MARCHF7: variants seen among roughly 807,000 people sequenced by gnomAD.
The protein encoded by MARCHF7 is E3 ubiquitin-protein ligase MARCHF7.
A neutral mutation model predicts 76.5 loss-of-function variants in MARCHF7; 20 were observed. The observed-to-expected ratio is 0.26, with a 90% CI of 0.18 to 0.38. The LOEUF (loss-of-function observed/expected upper bound fraction) is 0.38, where lower values mean the gene tolerates loss of function less well. Among genes scored for constraint, MARCHF7 ranks in the 10% least tolerant of loss-of-function variants. The pLI is 1.00. For missense variants in MARCHF7, 797 were observed against 812.9 expected (o/e 0.98, Z 0.24); for synonymous variants, 295 against 293.0 (o/e 1.01, Z -0.07).
Position 159,767,491 on chromosome 2 carries a change from A to G in MARCHF7, c.*149A>G. The stretch of plus-strand genomic sequence containing the variant: ...TACATACACATGTATGCCTGTATAT[A>G]TATATTCATTCTCCAGTGTTGCTGA... On this transcript the variant is annotated 3_prime_UTR_variant, in exon 12 of 12. Coordinates refer to ENST00000409175, the MANE Select transcript of MARCHF7 (RefSeq NM_001282805.2). 1 of 496,522 alleles carries G rather than the reference A, an allele frequency of 2.0e-6. No individual in the cohort carries two copies. The highest frequency in any genetic ancestry group is 3.4e-5 in the East Asian group (1 of 29,276). The allele number at this position is 496,522 out of a possible 1,614,324, so 30.8% of individuals were successfully genotyped here.
intron 4 of MARCHF7, among the ~76,000 whole-genome samples, chr2:159,737,381 C>G (rs981951758): frequency 5.9e-5 from 9 of 151,950 alleles, no homozygotes; most frequent in Non-Finnish European, 8.8e-5. Flanking sequence ...AACATTTTTC[C>G]AAAGATATAT....
intron 6 of MARCHF7, 113 bp from the exon 7 acceptor site, chr2:159,747,692 T>C: frequency 3.1e-6 from 3 of 975,182 alleles, no homozygotes; most frequent in Non-Finnish European, 4.5e-6. Context: ...GTAGTTACAA[T>C]ATAACAGTAT....
At chr2:159,720,880 CAG>C (rs1386076186) in intron 3 of MARCHF7, among the ~76,000 whole-genome samples, 2 of 152,184 alleles carry the variant, frequency 1.3e-5, no homozygotes, top group Admixed American at 6.5e-5. Context: ...CCGCTCAAGA[CAG>C]AGTCTTGCTC....
chr2:159,757,385 T>C (rs544198078), intron 8 of MARCHF7, among the ~76,000 whole-genome samples: 1 of 152,326 alleles, frequency 6.6e-6, no homozygotes, highest in South Asian at 2.1e-4. Flanking sequence ...GAAGCTACTA[T>C]GTTTGGATTG....
At chr2:159,712,897 G>T (rs964465902) in intron 1 of MARCHF7, among the ~76,000 whole-genome samples, 1 of 152,100 alleles carries the variant, frequency 6.6e-6, no homozygotes, top group South Asian at 2.1e-4. Context: ...GGGACAGATT[G>T]TGTGTCTTCC....
intron 3 of MARCHF7, among the ~76,000 whole-genome samples, chr2:159,719,167 G>A (rs973254619): frequency 6.6e-6 from 1 of 152,032 alleles, no homozygotes; most frequent in Non-Finnish European, 1.5e-5. Context: ...TTTTAGTAAA[G>A]ACGAGGTTTC....
rs748166867 is a variant in MARCHF7 at position 159,768,871 on chromosome 2, T to G, written c.*1529T>G. The G allele has an allele frequency of 6.6e-5, 10 of 152,276 alleles. No individual in the cohort carries two copies. Among genetic ancestry groups the G allele is most frequent in the Admixed American group, 2.6e-4 (4 of 15,296 alleles). The allele number at this position is 152,276 out of a possible 1,614,324, so 9.4% of individuals were successfully genotyped here. ...TTGTCTTCTGCTTAACCCATAAAACTTTATTTAAAAAATTTAACTAGATGG... is the reference window on the plus strand; with the variant it reads ...TTGTCTTCTGCTTAACCCATAAAACGTTATTTAAAAAATTTAACTAGATGG... On this transcript the variant is annotated 3_prime_UTR_variant, in exon 12 of 12. Transcript: ENST00000409175.
intron 3 of MARCHF7, among the ~76,000 whole-genome samples, chr2:159,723,381 G>T (rs72961747): frequency 0.064 from 9,748 of 152,206 alleles, 393 homozygotes; most frequent in Non-Finnish European, 0.092. Flanking sequence ...TAATTATTCT[G>T]GGATAATAAG....
chr2:159,741,319 C>G (rs1197693088), intron 4 of MARCHF7, among the ~76,000 whole-genome samples: 1 of 152,070 alleles, frequency 6.6e-6, no homozygotes, highest in African/African-American at 2.4e-5. Context: ...CCACTGCACT[C>G]CAGCCTGGGC....
At chr2:159,721,617 T>G (rs1437625178) in intron 3 of MARCHF7, among the ~76,000 whole-genome samples, 2 of 152,222 alleles carry the variant, frequency 1.3e-5, no homozygotes. Flanking sequence ...TCTGTGTGTG[T>G]GTGGCTTTGT....
At chr2:159,720,440 T>C (rs1032700217) in intron 3 of MARCHF7, among the ~76,000 whole-genome samples, 4 of 152,262 alleles carry the variant, frequency 2.6e-5, no homozygotes, top group Non-Finnish European at 4.4e-5. Context: ...TAAAAAGTGC[T>C]CTTTTTGCAG....
chr2:159,713,427 G>A (rs1008383976), intron 1 of MARCHF7, among the ~76,000 whole-genome samples: 2 of 152,138 alleles, frequency 1.3e-5, no homozygotes, highest in African/African-American at 4.8e-5. Context: ...AATTCGTCAC[G>A]ACTAATGTTG....
intron 3 of MARCHF7, among the ~76,000 whole-genome samples, chr2:159,728,407 A>C (rs947535534): frequency 3.3e-5 from 5 of 152,258 alleles, no homozygotes; most frequent in African/African-American, 9.6e-5. Context: ...CAGTGATTTT[A>C]AAATACTTTA....
At chr2:159,752,884 C>T (rs1705824959) in intron 8 of MARCHF7, among the ~76,000 whole-genome samples, 1 of 152,198 alleles carries the variant, frequency 6.6e-6, no homozygotes, top group Non-Finnish European at 1.5e-5. Flanking sequence ...TCACCATTTA[C>T]CAGCTGTGTG....
chr2:159,727,373 G>T (rs1702290173), intron 3 of MARCHF7, among the ~76,000 whole-genome samples: 1 of 152,142 alleles, frequency 6.6e-6, no homozygotes, highest in Non-Finnish European at 1.5e-5. Flanking sequence ...AGATCACGAA[G>T]TCAGGAGATC....
rs747902045 is a variant in MARCHF7 at position 159,761,406 on chromosome 2, C to CTTTTTTTTTTTTTTTTTTTT, written c.1894-1468_1894-1449dup. Among the ~76,000 whole-genome samples, 35 of 73,778 alleles carry CTTTTTTTTTTTTTTTTTTTT rather than the reference C, an allele frequency of 4.7e-4. 9 individuals are homozygous for CTTTTTTTTTTTTTTTTTTTT. The highest frequency in any genetic ancestry group is 1.0e-3 in the South Asian group (2 of 1,982). 48.4% of individuals were successfully genotyped at this position (73,778 alleles called of 152,430 possible). A position where few individuals can be genotyped will look rare whatever the true frequency, so the allele number is the denominator to read the frequency against. ...ACAATAATTATTAAGTGAATCATTT[C>CTTTTTTTTTTTTTTTTTTTT]TTTTTTTTTTTTTTTTTTTTTTTTT... is the stretch of plus-strand genomic sequence containing the variant. On this transcript the variant is annotated intron_variant, in intron 9 of 11. Transcript: ENST00000409175.
Position 159,748,781 on chromosome 2 carries a change from C to T in MARCHF7, c.1491C>T (p.Thr497=), listed in dbSNP as rs149881046. Residue 497 remains threonine, a synonymous_variant, in exon 7 of 12, where the codon ACC becomes ACT. Transcript: ENST00000409175. ...AVPPALGSNL[T]DNVMITVDII... The stretch of plus-strand genomic sequence containing the variant: ...CTCCAGCACTTGGGAGTAATTTGAC[C>T]GACAATGTCATGATCACAGTAGATA... 222 of 1,614,024 alleles carry T rather than the reference C, an allele frequency of 1.4e-4. No homozygotes were observed. The African/African-American group carries it at 2.3e-3, about 16-fold the overall frequency.
At chr2:159,723,251 T>C (rs1044243232) in intron 3 of MARCHF7, among the ~76,000 whole-genome samples, 6 of 152,238 alleles carry the variant, frequency 3.9e-5, no homozygotes, top group African/African-American at 1.4e-4. Context: ...TTGTATGGAC[T>C]TACCAAATAC....
At chr2:159,743,038 A>C in intron 4 of MARCHF7, 23 bp from the exon 5 acceptor site, 1 of 1,596,078 alleles carries the variant, frequency 6.3e-7, no homozygotes, top group Non-Finnish European at 8.5e-7. Context: ...TTTGTTGTTT[A>C]AAAAATTTTT....
Sources: allele counts gnomAD v4.1 joint callset (sites outside exome capture counted in the v4.1 genomes callset), GRCh38; gene constraint gnomAD v4.1.1; transcripts MANE v1.5; gene names NCBI Gene and HGNC (gene_info 2026-07-23, HGNC 2026-07-21).